Variants in ANXA7 observed in about 807,000 individuals in gnomAD.
ANXA7 encodes the protein annexin VII.
ANXA7 carries 55 observed loss-of-function variants against 64.9 expected under a neutral mutation model. That is an observed-to-expected ratio of 0.85 (90% confidence interval 0.68 to 1.06). The LOEUF (loss-of-function observed/expected upper bound fraction) is 1.06, where lower values mean the gene tolerates loss of function less well. Ranked by LOEUF, ANXA7 falls within the 50% of genes least tolerant of loss-of-function variation. ANXA7 has a pLI of 0.00. For missense variants in ANXA7, 548 were observed against 582.1 expected (o/e 0.94, Z 0.60); for synonymous variants, 200 against 192.4 (o/e 1.04, Z -0.33).
intron 1 of ANXA7, among the ~76,000 whole-genome samples, chr10:73,407,888 C>A (rs16930573): frequency 0.071 from 10,860 of 152,230 alleles, 625 homozygotes; most frequent in East Asian, 0.3. Flanking sequence ...TGAAAACTGA[C>A]CCAGTCAATT....
At chr10:73,387,932 A>G (rs1012428106) in intron 6 of ANXA7, 149 bp from the exon 7 acceptor site, 3 of 642,040 alleles carry the variant, frequency 4.7e-6, no homozygotes, top group African/African-American at 1.8e-5. Context: ...GCTGACTGCA[A>G]TCTCCACCTC....
intron 2 of ANXA7, 83 bp downstream of exon 2, chr10:73,400,720 A>T (rs12243497): frequency 0.097 from 109,483 of 1,132,272 alleles, 8,937 homozygotes; most frequent in African/African-American, 0.32. Context: ...ACCCCTGCTC[A>T]AGCATATCTG....
intron 1 of ANXA7, among the ~76,000 whole-genome samples, chr10:73,410,250 C>T (rs2055818317): frequency 6.6e-6 from 1 of 151,912 alleles, no homozygotes; most frequent in Admixed American, 6.6e-5. Context: ...TATTTGCAAA[C>T]TATGCATCCA....
intron 1 of ANXA7, among the ~76,000 whole-genome samples, chr10:73,411,869 GAA>G (rs113860616): frequency 0.05 from 6,958 of 139,162 alleles, 490 homozygotes; most frequent in African/African-American, 0.16. Context: ...ACGTATTAAT[GAA>G]AAAAAAAAAA....
At chr10:73,381,225 G>A (rs140956776) in intron 9 of ANXA7, among the ~76,000 whole-genome samples, 436 of 152,138 alleles carry the variant, frequency 2.9e-3, no homozygotes, top group African/African-American at 9.4e-3. Flanking sequence ...ATCTTAATAT[G>A]TAAGTATTTA....
intron 7 of ANXA7, among the ~76,000 whole-genome samples, chr10:73,386,780 A>C (rs1225493961): frequency 2.6e-5 from 4 of 151,950 alleles, no homozygotes. Context: ...CAATCTTTCT[A>C]CCTCAGCCTC....
intron 2 of ANXA7, 87 bp downstream of exon 2, chr10:73,400,716 G>T: frequency 2.7e-6 from 3 of 1,094,768 alleles, no homozygotes; most frequent in Non-Finnish European, 3.9e-6. Flanking sequence ...TATGACCCCT[G>T]CTCAAGCATA....
intron 4 of ANXA7, 81 bp from the exon 5 acceptor site, chr10:73,396,664 G>A (rs1589658692): frequency 2.5e-6 from 2 of 785,618 alleles, no homozygotes; most frequent in Middle Eastern, 3.3e-4. Context: ...TGATGACTAT[G>A]AATATGGAAA....
intron 8 of ANXA7, 61 bp from the exon 9 acceptor site, chr10:73,383,406 C>A: frequency 2.0e-6 from 3 of 1,483,458 alleles, no homozygotes; most frequent in Non-Finnish European, 2.7e-6. Flanking sequence ...GTAATTAAAT[C>A]TTCGTCAAAT....
At chr10:73,411,919 T>A (rs1305853695) in intron 1 of ANXA7, among the ~76,000 whole-genome samples, 1 of 151,080 alleles carries the variant, frequency 6.6e-6, no homozygotes, top group African/African-American at 2.4e-5. Flanking sequence ...TGCCATTATG[T>A]GTAAAAAATG....
Position 73,398,333 on chromosome 10 carries a change from C to A in ANXA7, c.107G>T (p.Ser36Ile). Residue 36 changes from serine (S) to isoleucine (I), a missense_variant, in exon 3 of 13, where the codon AGT (serine) becomes ATT (isoleucine). Coordinates refer to ENST00000372921, the MANE Select transcript of ANXA7 (RefSeq NM_001156.5). The part of the protein sequence containing the change: ...FPPSGQYPYP[S>I]GFPPMGGGAY... Reference sequence around the variant, plus strand: ...ACCTCCTCCCATTGGAGGAAAGCCACTAGGATAAGGATACTGACCAGAAGG... The same window carrying A: ...ACCTCCTCCCATTGGAGGAAAGCCAATAGGATAAGGATACTGACCAGAAGG... 1 of 1,614,068 alleles carries A rather than the reference C, an allele frequency of 6.2e-7. No individual in the cohort carries two copies. Among genetic ancestry groups the A allele is most frequent in the African/African-American group, 1.3e-5 (1 of 75,002 alleles).
At chr10:73,405,597 T>C (rs1452244990) in intron 1 of ANXA7, among the ~76,000 whole-genome samples, 2 of 152,184 alleles carry the variant, frequency 1.3e-5, no homozygotes, top group African/African-American at 4.8e-5. Flanking sequence ...ACCTGGCAAA[T>C]ACATCTATAT....
intron 7 of ANXA7, among the ~76,000 whole-genome samples, chr10:73,387,120 A>T (rs1457495714): frequency 6.6e-6 from 1 of 152,190 alleles, no homozygotes; most frequent in East Asian, 1.9e-4. Context: ...CTTGATCATG[A>T]TTGTAGTTGT....
At chr10:73,412,384 C>A (rs567047986) in intron 1 of ANXA7, among the ~76,000 whole-genome samples, 39 of 151,968 alleles carry the variant, frequency 2.6e-4, no homozygotes, top group Admixed American at 3.9e-4. Context: ...GTACATATAT[C>A]ATTTATTCAA....
intron 5 of ANXA7, among the ~76,000 whole-genome samples, chr10:73,390,074 A>G (rs1044439961): frequency 1.3e-5 from 2 of 152,250 alleles, no homozygotes; most frequent in East Asian, 1.9e-4. Flanking sequence ...CTGTTGTAAA[A>G]TAAGTGTTTT....
At chr10:73,404,011 A>G (rs1350876382) in intron 1 of ANXA7, among the ~76,000 whole-genome samples, 1 of 152,260 alleles carries the variant, frequency 6.6e-6, no homozygotes, top group East Asian at 1.9e-4. Flanking sequence ...TGCTATGATC[A>G]TAGAGAACTG....
At chr10:73,400,297 C>CA (rs1207319640) in intron 2 of ANXA7, among the ~76,000 whole-genome samples, 1 of 152,088 alleles carries the variant, frequency 6.6e-6, no homozygotes, top group African/African-American at 2.4e-5. Context: ...AAATCCACTG[C>CA]AATTTATCTC....
Position 73,382,503 on chromosome 10 carries a change from G to A in ANXA7, c.918+672C>T, listed in dbSNP as rs529942577. 1.2e-4 allele frequency among the ~76,000 whole-genome samples: 18 copies of A among 151,894 alleles called. No individual in the cohort carries two copies. In the South Asian group the frequency reaches 3.8e-3, roughly 32 times the overall value. ...ACTACAGGCACATACCACCATGTTC[G>A]GCTAATTTTTAAAAATATTTTTTAT... On this transcript the variant is annotated intron_variant, in intron 9 of 12. Transcript: ENST00000372921.
intron 1 of ANXA7, among the ~76,000 whole-genome samples, chr10:73,402,393 G>C (rs2055680683): frequency 1.3e-5 from 2 of 151,904 alleles, no homozygotes; most frequent in Non-Finnish European, 2.9e-5. Context: ...GTAGAGATGG[G>C]GTTTCACCGT....
Sources: gnomAD v4.1 joint callset for allele counts (sites outside exome capture counted in the v4.1 genomes callset) on GRCh38, gnomAD v4.1.1 for gene constraint, MANE v1.5 for transcripts, NCBI Gene and HGNC (gene_info 2026-07-23, HGNC 2026-07-21) for gene names.